The following ATG7 variants were observed in gnomAD, a reference collection of about 807,000 sequenced individuals.
The protein encoded by ATG7 is ubiquitin-like modifier-activating enzyme ATG7.
Under a neutral mutation model 82.4 loss-of-function variants are expected in ATG7, and 70 were observed. The ratio of observed to expected loss-of-function variants is 0.85; its 90% CI spans 0.70 to 1.04. The LOEUF (loss-of-function observed/expected upper bound fraction) is 1.04. ATG7 is among the 50% of genes least tolerant of loss of function. ATG7 has a pLI of 0.00. For synonymous variants in ATG7, 287 were observed against 313.0 expected (o/e 0.92, Z 0.88); for missense variants, 792 against 864.3 (o/e 0.92, Z 1.05).
At chr3:11,407,238 C>A (rs1441971128) in intron 19 of ATG7, among the ~76,000 whole-genome samples, 1 of 152,224 alleles carries the variant, frequency 6.6e-6, no homozygotes, top group Non-Finnish European at 1.5e-5. Flanking sequence ...AATCTTAAAG[C>A]TCCAAAATGA....
At chr3:11,324,888 G>A (rs1410588751) in intron 9 of ATG7, among the ~76,000 whole-genome samples, 1 of 151,978 alleles carries the variant, frequency 6.6e-6, no homozygotes, top group African/African-American at 2.4e-5. Flanking sequence ...CCTTGAAACT[G>A]AAGACAGCTA....
At chr3:11,574,835 G>A in the ATG7 span, among the ~76,000 whole-genome samples, 12 of 142,834 alleles carry the variant, frequency 8.4e-5, no homozygotes, top group African/African-American at 2.8e-4. Flanking sequence ...GTGTGTGTGT[G>A]TGTATTTTAA....
intron 20 of ATG7, among the ~76,000 whole-genome samples, chr3:11,494,965 G>A (rs1327891622): frequency 1.3e-5 from 2 of 152,074 alleles, no homozygotes; most frequent in Non-Finnish European, 2.9e-5. Context: ...CCAGCTACTC[G>A]GGAGGCTGAG....
chr3:11,483,633 C>A (rs369514296), intron 20 of ATG7, among the ~76,000 whole-genome samples: 1 of 152,128 alleles, frequency 6.6e-6, no homozygotes, highest in Non-Finnish European at 1.5e-5. Flanking sequence ...ATATTCAAAT[C>A]CTTGTATATA....
chr3:11,379,834 G>A lies in ATG7; in HGVS notation c.1876-138G>A, dbSNP rs186615723. 254 of 778,186 alleles carry A rather than the reference G, an allele frequency of 3.3e-4. 2 individuals are homozygous for A. The highest frequency in any genetic ancestry group is 4.7e-4 in the South Asian group (29 of 61,966). The allele number at this position is 778,186 out of a possible 1,614,324, so 48.2% of individuals were successfully genotyped here. On this transcript the variant is annotated intron_variant, in intron 18 of 20. Coordinates refer to ENST00000693202, the MANE Select transcript of ATG7 (RefSeq NM_001349232.2). ...CGTTACAAGGGAAAATACTCATTTC[G>A]AACTTATTTTTGCTCATAATCTCTT...
chr3:11,535,385 C>A (rs1243136444), intron 20 of ATG7, among the ~76,000 whole-genome samples: 1 of 152,220 alleles, frequency 6.6e-6, no homozygotes, highest in Non-Finnish European at 1.5e-5. Context: ...TGCCCAAGTC[C>A]CTGTGGAGGA....
rs58838386 is a variant in ATG7, at chr3:11,497,357, CTATATATATATATATATATA to C, written c.2080-57438_2080-57419del. 2.6e-4 allele frequency among the ~76,000 whole-genome samples: 15 copies of C among 57,320 alleles called. 1 individual carries two copies. The highest frequency in any genetic ancestry group is 2.1e-3 in the East Asian group (2 of 970). 37.6% of individuals were successfully genotyped at this position (57,320 alleles called of 152,430 possible). Reference sequence around the variant, plus strand: ...TGAAACCCCGTCTGTACTAAAAATACTATATATATATATATATATATATATATATATATATTTAGCCAGGC... The same window carrying C: ...TGAAACCCCGTCTGTACTAAAAATACTATATATATATATATTTAGCCAGGC... On this transcript the variant is annotated intron_variant, in intron 20 of 20. Transcript: ENST00000693202.
chr3:11,496,632 C>G (rs1208609351), intron 20 of ATG7, among the ~76,000 whole-genome samples: 3 of 152,154 alleles, frequency 2.0e-5, no homozygotes, highest in Non-Finnish European at 4.4e-5. Context: ...TTCATGAAAC[C>G]TTGACATTTA....
Position 11,380,030 on chromosome 3 carries a change from A to C in ATG7, c.1934A>C (p.Lys645Thr). 1.2e-6 allele frequency: 2 copies of C among 1,614,068 alleles called. No homozygotes were observed. The highest frequency in any genetic ancestry group is 2.2e-5 in the South Asian group (2 of 91,076). ...CTTCCCGTCAGCCTGGCATTTGACA[A>C]ATGTACAGCTTGTTCTTCCAAAGTA... ...NVLPVSLAFD[K>T]CTACSSKVLD... Residue 645 changes from lysine to threonine, a missense_variant, in exon 19 of 21, where the codon AAA (lysine) becomes ACA (threonine). Coordinates refer to ENST00000693202, the MANE Select transcript of ATG7 (RefSeq NM_001349232.2).
intron 20 of ATG7, among the ~76,000 whole-genome samples, chr3:11,533,284 A>G (rs1198936210): frequency 6.6e-6 from 1 of 152,222 alleles, no homozygotes; most frequent in Admixed American, 6.5e-5. Context: ...AGCAAGACCC[A>G]TGCCAACAAA....
At chr3:11,502,071 T>C (rs1487169937) in intron 20 of ATG7, among the ~76,000 whole-genome samples, 1 of 152,024 alleles carries the variant, frequency 6.6e-6, no homozygotes, top group Admixed American at 6.6e-5. Context: ...TTTGCTGTCA[T>C]GTAAAATAAC....
the ATG7 span, among the ~76,000 whole-genome samples, chr3:11,567,296 C>T: frequency 6.6e-6 from 1 of 152,114 alleles, no homozygotes; most frequent in Non-Finnish European, 1.5e-5. Context: ...CCTCAGTGAG[C>T]GCCAAGAGAA....
intron 20 of ATG7, among the ~76,000 whole-genome samples, chr3:11,519,704 C>T (rs537833829): frequency 1.9e-4 from 29 of 151,440 alleles, no homozygotes; most frequent in Admixed American, 1.4e-3. Flanking sequence ...GGACCACAGG[C>T]GCCCGTCACC....
intron 20 of ATG7, among the ~76,000 whole-genome samples, chr3:11,439,201 A>G (rs1357981973): frequency 2.7e-5 from 4 of 150,402 alleles, no homozygotes; most frequent in Non-Finnish European, 5.9e-5. Flanking sequence ...CCCGAGTAGC[A>G]GGGACTACAG....
At chr3:11,315,089 C>G (rs1949209416) in intron 8 of ATG7, among the ~76,000 whole-genome samples, 1 of 152,176 alleles carries the variant, frequency 6.6e-6, no homozygotes, top group Admixed American at 6.5e-5. Flanking sequence ...TGATTGACAG[C>G]TTAGGGAACT....
chr3:11,404,634 G>A (rs2080161294), intron 19 of ATG7, among the ~76,000 whole-genome samples: 2 of 152,006 alleles, frequency 1.3e-5, no homozygotes, highest in Admixed American at 6.6e-5. Context: ...TCTTTCTCAT[G>A]CTGCTCATAA....
intron 20 of ATG7, among the ~76,000 whole-genome samples, chr3:11,447,152 G>A (rs1176733535): frequency 6.6e-6 from 1 of 152,160 alleles, no homozygotes; most frequent in Non-Finnish European, 1.5e-5. Flanking sequence ...CCAAAAGCTT[G>A]AACTCTTTTT....
intron 20 of ATG7, among the ~76,000 whole-genome samples, chr3:11,518,039 T>G (rs1308905824): frequency 2.0e-5 from 3 of 152,130 alleles, no homozygotes; most frequent in South Asian, 2.1e-4. Flanking sequence ...AAATATAGAA[T>G]GTACAGGCTC....
At chr3:11,412,141 G>A (rs998294435) in intron 19 of ATG7, among the ~76,000 whole-genome samples, 3 of 151,866 alleles carry the variant, frequency 2.0e-5, no homozygotes, top group Admixed American at 2.0e-4. Flanking sequence ...CTCCCTGACT[G>A]ACTAAAACTA....
Sources: gnomAD v4.1 joint callset for allele counts (sites outside exome capture counted in the v4.1 genomes callset) on GRCh38, gnomAD v4.1.1 for gene constraint, MANE v1.5 for transcripts, NCBI Gene and HGNC (gene_info 2026-07-23, HGNC 2026-07-21) for gene names.